HPSE: variants seen among roughly 807,000 people sequenced by gnomAD.
HPSE encodes the protein heparanase.
In HPSE, 48 loss-of-function variants were observed where a neutral mutation model predicts 65.1. The ratio of observed to expected loss-of-function variants is 0.74; its 90% CI spans 0.58 to 0.94. The LOEUF is 0.94. HPSE is among the 40% of genes least tolerant of loss of function. The pLI is 0.00. For synonymous variants in HPSE, 243 were observed against 260.0 expected (o/e 0.93, Z 0.63); for missense variants, 644 against 637.5 (o/e 1.01, Z -0.11).
At position 83,293,955 on chromosome 4, in the gene HPSE, A is replaced by T. The variant is rs2126179661; in HGVS notation, c.*1389T>A. 1 of 152,318 alleles carries T rather than the reference A, an allele frequency of 6.6e-6. No individual in the cohort carries two copies. The highest frequency in any genetic ancestry group is 6.5e-5 in the Admixed American group (1 of 15,306). The allele number at this position is 152,318 out of a possible 1,614,324, so 9.4% of individuals were successfully genotyped here. On this transcript the variant is annotated 3_prime_UTR_variant, in exon 12 of 12. Transcript: ENST00000311412. ...TGGCACATGAAGGAAAGAATTCTAA[A>T]ATCTTCTAATACATTTTGAAAGATA...
At chr4:83,301,127 T>C in intron 10 of HPSE, 21 bp from the exon 11 acceptor site, 3 of 1,488,300 alleles carry the variant, frequency 2.0e-6, no homozygotes, top group Non-Finnish European at 2.7e-6. Context: ...AGAGGTTAAC[T>C]TAATAGAAAT....
chr4:83,301,008 A>T lies in HPSE; in HGVS notation c.1424T>A (p.Val475Glu), dbSNP rs1735926554. The change falls in exon 11 of 12, where the codon GTG (valine) becomes GAG (glutamate). Residue 475 changes from valine (V) to glutamate (E), a missense_variant. Val to Glu is a moderately radical substitution (Grantham distance 121). Coordinates refer to ENST00000311412, the MANE Select transcript of HPSE (RefSeq NM_001098540.3). ...RLPYPFSNKQ[V>E]DKYLLRPLGP... ...CAAAGGTCTTAGAAGGTATTTATCC[A>T]CTTGCTTGTTAGAAAAAGGATAGGG... 3 of 1,609,606 alleles carry T rather than the reference A, an allele frequency of 1.9e-6. No individual in the cohort carries two copies. Among genetic ancestry groups the T allele is most frequent in the Non-Finnish European group, 2.5e-6 (3 of 1,176,726 alleles).
chr4:83,293,017 A>T lies in HPSE; in HGVS notation c.*2327T>A, dbSNP rs990093855. Reference sequence around the variant, plus strand: ...ACCCCTAAAGCTATTAAAATAAAAAATTTTAAAGATACTATATCCATAACA... The same window carrying T: ...ACCCCTAAAGCTATTAAAATAAAAATTTTTAAAGATACTATATCCATAACA... On this transcript the variant is annotated 3_prime_UTR_variant, in exon 12 of 12. Transcript: ENST00000311412. 4 of 152,222 alleles carry T rather than the reference A, an allele frequency of 2.6e-5. No homozygotes were observed. The highest frequency in any genetic ancestry group is 5.9e-5 in the Non-Finnish European group (4 of 68,028). 9.4% of individuals were successfully genotyped at this position (152,222 alleles called of 1,614,324 possible).
chr4:83,324,843 G>A (rs1737078875), intron 1 of HPSE, among the ~76,000 whole-genome samples: 1 of 152,170 alleles, frequency 6.6e-6, no homozygotes, highest in Non-Finnish European at 1.5e-5. Context: ...GAGATAGATA[G>A]TGGTGATATT....
At chr4:83,313,091 G>T in intron 4 of HPSE, 23 bp downstream of exon 4, 7 of 1,445,074 alleles carry the variant, frequency 4.8e-6, no homozygotes, top group South Asian at 1.2e-5. Context: ...CCTTATTAAT[G>T]AATTGTTCCC....
In HPSE at chr4:83,295,056, AAAT is replaced by A; in HGVS notation, c.*285_*287del. ...GGTGACAGAGAGAGATTCTGTCTCA[AAAT>A]AAATAAATAAATAAATAATAAAACA... is the stretch of plus-strand genomic sequence containing the variant. On this transcript the variant is annotated 3_prime_UTR_variant, in exon 12 of 12. Coordinates refer to ENST00000311412, the MANE Select transcript of HPSE (RefSeq NM_001098540.3). 6.3e-6 allele frequency: 1 copy of A among 158,986 alleles called. No individual in the cohort carries two copies. 9.8% of individuals were successfully genotyped at this position (158,986 alleles called of 1,614,324 possible). A position where few individuals can be genotyped will look rare whatever the true frequency, so the allele number is the denominator to read the frequency against.
chr4:83,329,816 G>T (rs538437871), intron 1 of HPSE, among the ~76,000 whole-genome samples: 1 of 152,306 alleles, frequency 6.6e-6, no homozygotes, highest in East Asian at 1.9e-4. Flanking sequence ...AGACTAGGAA[G>T]TGGAGAGGAA....
chr4:83,311,496 C>A (rs1175642373), intron 4 of HPSE, among the ~76,000 whole-genome samples: 1 of 151,866 alleles, frequency 6.6e-6, no homozygotes, highest in African/African-American at 2.4e-5. Flanking sequence ...CTAATAACTT[C>A]ATTTACTTTG....
intron 9 of HPSE, among the ~76,000 whole-genome samples, chr4:83,303,525 G>A (rs139204967): frequency 1.0e-3 from 156 of 152,250 alleles, no homozygotes; most frequent in African/African-American, 3.6e-3. Context: ...TAAAAGTATT[G>A]TGTTTTTACA....
intron 11 of HPSE, among the ~76,000 whole-genome samples, chr4:83,300,201 T>C (rs2126182890): frequency 6.6e-6 from 1 of 152,358 alleles, no homozygotes. Flanking sequence ...TATGAGAATC[T>C]ACTTAAGAAG....
At chr4:83,328,739 AG>A (rs577682959) in intron 1 of HPSE, among the ~76,000 whole-genome samples, 128 of 151,964 alleles carry the variant, frequency 8.4e-4, no homozygotes, top group African/African-American at 2.7e-3. Flanking sequence ...GAGGTAATTG[AG>A]ATGGGAAAGG....
intron 3 of HPSE, among the ~76,000 whole-genome samples, chr4:83,317,313 A>G (rs1736692498): frequency 6.6e-6 from 1 of 152,116 alleles, no homozygotes. Flanking sequence ...CTCAGCCATT[A>G]CCAGTCTCAG....
chr4:83,298,738 G>A (rs1735821593), intron 11 of HPSE, among the ~76,000 whole-genome samples: 1 of 152,108 alleles, frequency 6.6e-6, no homozygotes, highest in African/African-American at 2.4e-5. Flanking sequence ...TGAGGAGGAA[G>A]GATCACTTGA....
chr4:83,333,785 T>A, intron 1 of HPSE, among the ~76,000 whole-genome samples: 1 of 151,206 alleles, frequency 6.6e-6, no homozygotes, highest in East Asian at 1.9e-4. Context: ...GTCTCCTAGG[T>A]CTCATTTATT....
At chr4:83,298,490 A>C (rs4266284) in intron 11 of HPSE, among the ~76,000 whole-genome samples, 136,241 of 151,512 alleles carry the variant, frequency 0.9, 62,120 homozygotes, top group East Asian at 0.99. Context: ...TTAAAAAAAA[A>C]CAGATGTTCA....
At chr4:83,311,043 T>C (rs1736348512) in intron 4 of HPSE, among the ~76,000 whole-genome samples, 153 bp from the exon 5 acceptor site, 1 of 152,214 alleles carries the variant, frequency 6.6e-6, no homozygotes, top group Non-Finnish European at 1.5e-5. Flanking sequence ...GCGCTATGGC[T>C]CATGCCTGTA....
At chr4:83,305,738 T>C (rs774923590) in intron 9 of HPSE, among the ~76,000 whole-genome samples, 1 of 152,218 alleles carries the variant, frequency 6.6e-6, no homozygotes, top group Non-Finnish European at 1.5e-5. Context: ...TCTTGAAGAT[T>C]ATTAACAACA....
intron 10 of HPSE, 25 bp downstream of exon 10, chr4:83,302,125 G>A: frequency 6.8e-7 from 1 of 1,478,562 alleles, no homozygotes; most frequent in Non-Finnish European, 9.5e-7. Flanking sequence ...CTTGATGATT[G>A]GTAAAGGGTG....
At chr4:83,320,940 C>T (rs1207268253) in intron 2 of HPSE, among the ~76,000 whole-genome samples, 1 of 152,172 alleles carries the variant, frequency 6.6e-6, no homozygotes, top group Non-Finnish European at 1.5e-5. Flanking sequence ...GTGGCTATGC[C>T]TATAATCCCA....
Sources: allele counts gnomAD v4.1 joint callset (sites outside exome capture counted in the v4.1 genomes callset), GRCh38; gene constraint gnomAD v4.1.1; transcripts MANE v1.5; gene names NCBI Gene and HGNC (gene_info 2026-07-23, HGNC 2026-07-21).